The following ALDH1L2 variants were observed in gnomAD, a reference collection of about 807,000 sequenced individuals.
ALDH1L2 encodes aldehyde dehydrogenase 1 family member L2, also known as mitochondrial 10-formyltetrahydrofolate dehydrogenase.
Under a neutral mutation model 111.0 loss-of-function variants are expected in ALDH1L2, and 91 were observed. The observed-to-expected ratio is 0.82, with a 90% CI of 0.69 to 0.98. The LOEUF is 0.98. Ranked by LOEUF, ALDH1L2 falls within the 50% of genes least tolerant of loss-of-function variation. The pLI is 0.00. For synonymous variants in ALDH1L2, 374 were observed against 392.6 expected (o/e 0.95, Z 0.56); for missense variants, 995 against 1,126.8 (o/e 0.88, Z 1.67).
At chr12:105,076,558 A>G (rs1056354346) in intron 1 of ALDH1L2, among the ~76,000 whole-genome samples, 1 of 152,142 alleles carries the variant, frequency 6.6e-6, no homozygotes. Flanking sequence ...TTGTTTTTTC[A>G]TACACCAGCT....
At chr12:105,040,817 T>C (rs186952842) in intron 15 of ALDH1L2, 123 bp from the exon 16 acceptor site, 2 of 797,586 alleles carry the variant, frequency 2.5e-6, no homozygotes, top group Non-Finnish European at 4.1e-6. Flanking sequence ...TTGTCTTATT[T>C]TTTTGCCATA....
chr12:105,083,510 T>C (rs905008203), intron 1 of ALDH1L2, among the ~76,000 whole-genome samples: 4 of 152,226 alleles, frequency 2.6e-5, no homozygotes, highest in Admixed American at 2.0e-4. Context: ...GTTTTTTACA[T>C]CTGAATATAT....
chr12:105,046,193 CTA>C (rs1555225141), intron 15 of ALDH1L2, among the ~76,000 whole-genome samples: 62 of 20,150 alleles, frequency 3.1e-3, no homozygotes, highest in South Asian at 5.2e-3. Context: ...CTCTCTCTCT[CTA>C]TATATATATA....
intron 19 of ALDH1L2, among the ~76,000 whole-genome samples, chr12:105,033,671 A>G (rs1306300598): frequency 2.0e-5 from 3 of 152,130 alleles, no homozygotes; most frequent in African/African-American, 7.2e-5. Flanking sequence ...ATTCATCTTA[A>G]CACTCCTATA....
chr12:105,055,323 G>T lies in ALDH1L2; in HGVS notation c.1288-2392C>A, dbSNP rs147760600. On this transcript the variant is annotated intron_variant, in intron 10 of 22. Transcript: ENST00000258494. ...TCATTAGATGACCATTAAAGTAACT[G>T]AACAGAGACTTCAGTAGTGGCAAAC... Among the ~76,000 whole-genome samples the T allele has an allele frequency of 4.4e-3, 665 of 152,264 alleles. 7 individuals carry two copies. The highest frequency in any genetic ancestry group is 0.015 in the African/African-American group (636 of 41,544).
intron 10 of ALDH1L2, among the ~76,000 whole-genome samples, chr12:105,056,320 G>T (rs1876628123): frequency 6.6e-6 from 1 of 152,028 alleles, no homozygotes; most frequent in Non-Finnish European, 1.5e-5. Flanking sequence ...ATATCCTTCA[G>T]AAATGAAGGA....
intron 3 of ALDH1L2, among the ~76,000 whole-genome samples, chr12:105,070,085 G>T (rs1364734488): frequency 6.6e-6 from 1 of 152,186 alleles, no homozygotes; most frequent in East Asian, 1.9e-4. Context: ...CCCTCTAGGG[G>T]ATTATGATAC....
In ALDH1L2 at chr12:105,038,175, A is replaced by G; in HGVS notation, c.2073T>C (p.Val691=). Reference sequence around the variant, plus strand: ...GAGACTTGCCACCAAGCTCAAGGGAAACTTTCTTCAAGTTGCTAACAGCAC... The same window carrying G: ...GAGACTTGCCACCAAGCTCAAGGGAGACTTTCTTCAAGTTGCTAACAGCAC... The part of the protein sequence containing the change: ...KSCAVSNLKK[V]SLELGGKSPL... The change falls in exon 18 of 23, where the codon GTT becomes GTC. Residue 691 remains valine, a synonymous_variant. Coordinates refer to ENST00000258494, the MANE Select transcript of ALDH1L2 (RefSeq NM_001034173.4). The G allele has an allele frequency of 1.2e-6, 2 of 1,612,696 alleles. No homozygotes were observed. The highest frequency in any genetic ancestry group is 8.5e-7 in the Non-Finnish European group (1 of 1,179,150).
rs999397496 is a variant in ALDH1L2 at position 105,066,684 on chromosome 12, A to C, written c.595-15T>G. On this transcript the variant is annotated splice_polypyrimidine_tract_variant and intron_variant, in intron 4 of 22. Transcript: ENST00000258494. ...ACAGCTTCTACCTAAGGCCAAAGAC[A>C]TCACCTGTGTTACAGCCCAATGATC... The C allele has an allele frequency of 6.2e-7, 1 of 1,608,132 alleles. No individual in the cohort carries two copies.
At chr12:105,059,820 A>G (rs1275147529) in intron 9 of ALDH1L2, among the ~76,000 whole-genome samples, 1 of 152,242 alleles carries the variant, frequency 6.6e-6, no homozygotes, top group Non-Finnish European at 1.5e-5. Flanking sequence ...GGATTTTATC[A>G]AGAGGAGGAA....
At chr12:105,062,759 A>T (rs537011153) in intron 7 of ALDH1L2, 129 bp downstream of exon 7, 3 of 1,173,180 alleles carry the variant, frequency 2.6e-6, no homozygotes, top group Admixed American at 2.7e-5. Flanking sequence ...GAGACACCTC[A>T]TCTCCATCAG....
At chr12:105,035,744 G>T (rs1327361543) in intron 18 of ALDH1L2, among the ~76,000 whole-genome samples, 1 of 151,036 alleles carries the variant, frequency 6.6e-6, no homozygotes, top group Non-Finnish European at 1.5e-5. Context: ...GAAGACTGAT[G>T]AATTTTGTGC....
chr12:105,061,210 C>T (rs773247424), intron 8 of ALDH1L2, 138 bp from the exon 9 acceptor site: 381 of 750,434 alleles, frequency 5.1e-4, no homozygotes, highest in African/African-American at 9.2e-4. Flanking sequence ...CATTTCTCAG[C>T]GCCTCTCCAA....
At position 105,021,130 on chromosome 12, in the gene ALDH1L2, G is replaced by A. The variant is rs770851437; in HGVS notation, c.*3294C>T. 2.0e-5 allele frequency: 3 copies of A among 152,352 alleles called. No individual in the cohort carries two copies. The highest frequency in any genetic ancestry group is 4.8e-5 in the African/African-American group (2 of 41,438). 9.4% of individuals were successfully genotyped at this position (152,352 alleles called of 1,614,324 possible). ...AGGAGATGAGGTCAGAGGTAGCTAG[G>A]AGCAAGATCAGTAGGCCAGGTAAAT... On this transcript the variant is annotated 3_prime_UTR_variant, in exon 23 of 23. Transcript: ENST00000258494.
chr12:105,061,835 T>G (rs892287247), intron 7 of ALDH1L2, 83 bp from the exon 8 acceptor site: 1 of 1,526,836 alleles, frequency 6.5e-7, no homozygotes, highest in Non-Finnish European at 9.0e-7. Context: ...GTCCTATAGA[T>G]TATATGCATA....
At chr12:105,052,243 C>T in intron 11 of ALDH1L2, 26 bp from the exon 12 acceptor site, 1 of 1,550,990 alleles carries the variant, frequency 6.4e-7, no homozygotes, top group South Asian at 1.2e-5. Context: ...TAAAAATAGG[C>T]CCCATGAGAG....
chr12:105,034,504 T>C, intron 18 of ALDH1L2, 106 bp from the exon 19 acceptor site: 1 of 894,686 alleles, frequency 1.1e-6, no homozygotes, highest in Non-Finnish European at 1.7e-6. Context: ...CAGCAGGCAA[T>C]ATAGATAAGT....
At chr12:105,038,070 GCACC>G in intron 18 of ALDH1L2, 29 bp downstream of exon 18, 1 of 1,581,336 alleles carries the variant, frequency 6.3e-7, no homozygotes, top group Non-Finnish European at 8.7e-7. Flanking sequence ...CCTGGCCCAG[GCACC>G]TATTTACTTA....
At chr12:105,062,492 G>T (rs1475814096) in intron 7 of ALDH1L2, among the ~76,000 whole-genome samples, 1 of 152,214 alleles carries the variant, frequency 6.6e-6, no homozygotes, top group Non-Finnish European at 1.5e-5. Context: ...TGCCTGTCTG[G>T]TGGATCAGTG....
Sources: gnomAD v4.1 joint callset for allele counts (sites outside exome capture counted in the v4.1 genomes callset) on GRCh38, gnomAD v4.1.1 for gene constraint, MANE v1.5 for transcripts, NCBI Gene and HGNC (gene_info 2026-07-23, HGNC 2026-07-21) for gene names.